Variants in AGO2 observed in about 807,000 individuals in gnomAD.
The protein encoded by AGO2 is protein argonaute-2.
AGO2 carries 5 observed loss-of-function variants against 102.3 expected under a neutral mutation model. The ratio of observed to expected loss-of-function variants is 0.05; its 90% CI spans 0.03 to 0.10. The LOEUF (loss-of-function observed/expected upper bound fraction) is 0.10. Ranked by LOEUF, AGO2 falls within the 10% of genes least tolerant of loss-of-function variation. AGO2 has a pLI of 1.00. For synonymous variants in AGO2, 449 were observed against 473.1 expected, an observed-to-expected ratio of 0.95 and a Z score of 0.66; for missense variants, 541 against 1,183.7, an observed-to-expected ratio of 0.46 and a Z score of 7.97.
At chr8:140,549,444 G>A in intron 11 of AGO2, 146 bp from the exon 12 acceptor site, 1 of 752,220 alleles carries the variant, frequency 1.3e-6, no homozygotes, top group Admixed American at 3.1e-5. Flanking sequence ...TCCTGAATGA[G>A]GCCAGAATTC....
chr8:140,535,300 C>A (rs2072677435), intron 17 of AGO2, 168 bp downstream of exon 17: 14 of 622,994 alleles, frequency 2.2e-5, no homozygotes, highest in South Asian at 3.5e-5. Context: ...AGGCCCCTCT[C>A]CCCACCCCAG....
intron 10 of AGO2, chr8:140,555,662 T>C: frequency 1.8e-6 from 1 of 557,354 alleles, no homozygotes; most frequent in Non-Finnish European, 3.0e-6. Context: ...TTTCATGGGA[T>C]AATAAAAATT....
At position 140,589,673 on chromosome 8, in the gene AGO2, A is replaced by T. The variant is rs1167631887; in HGVS notation, c.23-4362T>A. 6.6e-6 allele frequency among the ~76,000 whole-genome samples: 1 copy of T among 152,184 alleles called. No homozygotes were observed. The highest frequency in any genetic ancestry group is 1.5e-5 in the Non-Finnish European group (1 of 68,032). The stretch of plus-strand genomic sequence containing the variant: ...CCAAAGAAAGTGAGAAGGATAGCTC[A>T]GGGCTGCTAAACACTTCTGTGCCAT... On this transcript the variant is annotated intron_variant, in intron 1 of 18. Transcript: ENST00000220592. The surrounding 1 kb of genome is among the most constrained non-coding windows in gnomAD (Gnocchi z 4.2).
At chr8:140,625,266 C>T (rs937716773) in intron 1 of AGO2, among the ~76,000 whole-genome samples, 2 of 152,152 alleles carry the variant, frequency 1.3e-5, no homozygotes, top group Non-Finnish European at 2.9e-5. Flanking sequence ...CCACCATGCC[C>T]GGCTAATTTT....
chr8:140,619,185 C>T (rs753831940), intron 1 of AGO2, among the ~76,000 whole-genome samples: 10 of 152,174 alleles, frequency 6.6e-5, no homozygotes, highest in East Asian at 3.9e-4. Context: ...CACAGCCACC[C>T]GCACCTGGCA....
At chr8:140,565,321 C>G (rs1198293685) in intron 3 of AGO2, among the ~76,000 whole-genome samples, 2 of 151,558 alleles carry the variant, frequency 1.3e-5, no homozygotes, top group Non-Finnish European at 2.9e-5. Context: ...CGCCTGTAGT[C>G]CCAGCTACTG....
In AGO2 at chr8:140,615,714, A is replaced by G. The variant is rs940913378; in HGVS notation, c.22+19771T>C. Reference sequence around the variant, plus strand: ...AGGTGGTTTTGCTTTTCGGAACCGGACCACCCTCTTGCTTGCTCATGCCTG... The same window carrying G: ...AGGTGGTTTTGCTTTTCGGAACCGGGCCACCCTCTTGCTTGCTCATGCCTG... On this transcript the variant is annotated intron_variant, in intron 1 of 18. Coordinates refer to ENST00000220592, the MANE Select transcript of AGO2 (RefSeq NM_012154.5). Among the ~76,000 whole-genome samples, 7 of 152,320 alleles carry G rather than the reference A, an allele frequency of 4.6e-5. No homozygotes were observed. In the East Asian group the frequency reaches 9.7e-4, roughly 21 times the overall value.
chr8:140,587,662 C>T (rs960222374), intron 1 of AGO2, among the ~76,000 whole-genome samples: 3 of 152,220 alleles, frequency 2.0e-5, no homozygotes, highest in Admixed American at 6.5e-5. Flanking sequence ...GCTGTGAGCC[C>T]CTGGCCCCGA....
upstream of AGO2, among the ~76,000 whole-genome samples, chr8:140,639,706 G>A (rs999512287): frequency 9.8e-5 from 15 of 152,300 alleles, no homozygotes; most frequent in Admixed American, 3.3e-4. Context: ...CCAGGAGGTC[G>A]AGGCTGCAGT....
chr8:140,564,737 G>T (rs1312057199), intron 3 of AGO2, among the ~76,000 whole-genome samples: 1 of 151,834 alleles, frequency 6.6e-6, no homozygotes, highest in Non-Finnish European at 1.5e-5. Context: ...AAGGTCAGGA[G>T]TTCAAGACCA....
intron 1 of AGO2, among the ~76,000 whole-genome samples, chr8:140,624,800 A>T (rs960083895): frequency 2.5e-4 from 38 of 152,258 alleles, no homozygotes; most frequent in Non-Finnish European, 5.3e-4. Flanking sequence ...CTTCTGAAAC[A>T]TCTGTCAACA....
chr8:140,618,392 G>A (rs2074170279), intron 1 of AGO2, among the ~76,000 whole-genome samples: 1 of 152,056 alleles, frequency 6.6e-6, no homozygotes, highest in African/African-American at 2.4e-5. Flanking sequence ...GGGAGGCCAA[G>A]GCAGGAGAAA....
chr8:140,563,110 C>T (rs1051445559), intron 3 of AGO2, among the ~76,000 whole-genome samples: 1 of 152,226 alleles, frequency 6.6e-6, no homozygotes, highest in Non-Finnish European at 1.5e-5. Flanking sequence ...ACTCAGGTGA[C>T]GCGTGAAGCA....
In AGO2 at chr8:140,521,695, C is replaced by A. The variant is rs964209299; in HGVS notation, c.*10349G>T. On this transcript the variant is annotated 3_prime_UTR_variant, in exon 19 of 19. Coordinates refer to ENST00000220592, the MANE Select transcript of AGO2 (RefSeq NM_012154.5). ...CACAGGGCCGCTGCTGAATGCAGGC[C>A]TCTGCCTCCACAAAGCCACGAGCTC... The A allele has an allele frequency of 1.3e-5, 2 of 152,260 alleles. No homozygotes were observed. The highest frequency in any genetic ancestry group is 4.8e-5 in the African/African-American group (2 of 41,468). 9.4% of individuals were successfully genotyped at this position (152,260 alleles called of 1,614,324 possible). A position where few individuals can be genotyped will look rare whatever the true frequency, so the allele number is the denominator to read the frequency against.
chr8:140,609,311 T>A (rs973951039), intron 1 of AGO2, among the ~76,000 whole-genome samples: 5 of 152,220 alleles, frequency 3.3e-5, no homozygotes, highest in African/African-American at 1.2e-4. Context: ...AGGATGGGCA[T>A]CACACCCGGC....
At chr8:140,566,619 G>GGA (rs2073289712) in intron 3 of AGO2, among the ~76,000 whole-genome samples, 1 of 116,668 alleles carries the variant, frequency 8.6e-6, no homozygotes, top group African/African-American at 3.0e-5. Context: ...TTTTTTTTTT[G>GGA]GGGGGGGGGA....
At chr8:140,599,321 T>C (rs558054011) in intron 1 of AGO2, among the ~76,000 whole-genome samples, 17 of 152,286 alleles carry the variant, frequency 1.1e-4, no homozygotes, top group East Asian at 5.8e-4. Flanking sequence ...GCTCGTTTCA[T>C]ACATGAGACG....
intron 1 of AGO2, among the ~76,000 whole-genome samples, chr8:140,631,087 G>A (rs953657729): frequency 9.9e-5 from 15 of 152,194 alleles, no homozygotes; most frequent in Admixed American, 5.2e-4. Context: ...CCACTTAAAT[G>A]TGTCAGAATT....
chr8:140,633,466 C>T (rs911564105), intron 1 of AGO2, among the ~76,000 whole-genome samples: 18 of 152,174 alleles, frequency 1.2e-4, no homozygotes, highest in African/African-American at 4.1e-4. Flanking sequence ...CAGGCCCACA[C>T]CAAGGCAACA....
Sources: allele counts gnomAD v4.1 joint callset (sites outside exome capture counted in the v4.1 genomes callset), GRCh38; gene constraint gnomAD v4.1.1; non-coding constraint Gnocchi (gnomAD v3.1); transcripts MANE v1.5; gene names NCBI Gene and HGNC (gene_info 2026-07-23, HGNC 2026-07-21).